UIMC1: variants seen among roughly 807,000 people sequenced by gnomAD.
UIMC1 encodes BRCA1-A complex subunit RAP80.
A neutral mutation model predicts 84.9 loss-of-function variants in UIMC1; 42 were observed. The ratio of observed to expected loss-of-function variants is 0.49; its 90% CI spans 0.39 to 0.64. UIMC1 has a LOEUF of 0.64. Among genes scored for constraint, UIMC1 ranks in the 30% least tolerant of loss-of-function variants. UIMC1 has a pLI of 0.00. For missense variants in UIMC1, 825 were observed against 847.6 expected (o/e 0.97, Z 0.33); for synonymous variants, 281 against 293.0 (o/e 0.96, Z 0.42).
intron 1 of UIMC1, among the ~76,000 whole-genome samples, chr5:177,015,846 G>C (rs1775657347): frequency 6.6e-6 from 1 of 151,958 alleles, no homozygotes; most frequent in Admixed American, 6.6e-5. Context: ...GAGACAGGCA[G>C]ATCACTTGAG....
At chr5:177,001,684 A>G (rs1302197576) in intron 1 of UIMC1, among the ~76,000 whole-genome samples, 1 of 151,970 alleles carries the variant, frequency 6.6e-6, no homozygotes, top group Admixed American at 6.6e-5. Flanking sequence ...CACGCCTGTA[A>G]TCCCAGCATT....
rs187314351 is a variant in UIMC1 at position 177,021,357 on chromosome 5, A to G, written c.-9+1107T>C. ...GGGGCTTGCCTTCTAGTCGGGAGAC[A>G]GACAATAAGCAAGATAAAAGGTAAA... is the stretch of plus-strand genomic sequence containing the variant. On this transcript the variant is annotated intron_variant, in intron 1 of 5. Transcript: ENST00000509236. Among the ~76,000 whole-genome samples, 10 of 152,362 alleles carry G rather than the reference A, an allele frequency of 6.6e-5. No individual in the cohort carries two copies. In the East Asian group the frequency reaches 1.9e-3, roughly 29 times the overall value.
intron 4 of UIMC1, 196 bp from the exon 5 acceptor site, chr5:176,969,902 CT>C (rs1339052574): frequency 9.8e-6 from 5 of 510,328 alleles, no homozygotes; most frequent in Non-Finnish European, 1.0e-5. Context: ...ATACTAAACC[CT>C]TTTTTAAAAC....
intron 11 of UIMC1, 105 bp from the exon 12 acceptor site, chr5:176,908,799 T>A: frequency 8.3e-7 from 1 of 1,203,756 alleles, no homozygotes; most frequent in Non-Finnish European, 1.2e-6. Context: ...AAAGTTATTC[T>A]ATGGAGGAGA....
Position 176,987,080 on chromosome 5 carries a change from C to T in UIMC1, c.-8-4457G>A, listed in dbSNP as rs1392201532. Among the ~76,000 whole-genome samples, 4 of 151,074 alleles carry T rather than the reference C, an allele frequency of 2.6e-5. No individual in the cohort carries two copies. In the East Asian group the frequency reaches 6.0e-4, roughly 23 times the overall value. Reference sequence around the variant, plus strand: ...ACTAAAAATACAAAAATTAGCCAGGCGTGGTGGCGGGCGCCTGTAATCCCA... The same window carrying T: ...ACTAAAAATACAAAAATTAGCCAGGTGTGGTGGCGGGCGCCTGTAATCCCA... On this transcript the variant is annotated intron_variant, in intron 1 of 14. Transcript: ENST00000511320.
chr5:177,019,081 A>G (rs1339828787), intron 1 of UIMC1, among the ~76,000 whole-genome samples: 2 of 152,256 alleles, frequency 1.3e-5, no homozygotes, highest in Middle Eastern at 3.4e-3. Context: ...CCCGTCTCTA[A>G]AAGTAAATAA....
At chr5:176,998,084 C>T (rs1017762870) in intron 1 of UIMC1, among the ~76,000 whole-genome samples, 8 of 152,016 alleles carry the variant, frequency 5.3e-5, no homozygotes, top group South Asian at 2.1e-4. Flanking sequence ...GATTTTTCAT[C>T]GAGAAAGAAA....
At chr5:176,907,591 C>T (rs969973884) in intron 12 of UIMC1, among the ~76,000 whole-genome samples, 2 of 152,138 alleles carry the variant, frequency 1.3e-5, no homozygotes, top group Admixed American at 6.5e-5. Flanking sequence ...ACTCCTTTGT[C>T]GGTAACCCTA....
chr5:176,921,240 C>T (rs148051237), intron 10 of UIMC1, among the ~76,000 whole-genome samples: 51 of 152,306 alleles, frequency 3.3e-4, no homozygotes, highest in South Asian at 1.7e-3. Flanking sequence ...ATTGCCCACA[C>T]GGCTATCTAA....
chr5:177,005,868 C>G (rs1006224805), intron 1 of UIMC1, among the ~76,000 whole-genome samples: 1 of 152,118 alleles, frequency 6.6e-6, no homozygotes, highest in Non-Finnish European at 1.5e-5. Flanking sequence ...ACTCGCGCCC[C>G]GTTAACTGAG....
intron 10 of UIMC1, among the ~76,000 whole-genome samples, chr5:176,933,031 G>A (rs941740995): frequency 6.6e-6 from 1 of 152,042 alleles, no homozygotes; most frequent in Admixed American, 6.6e-5. Context: ...TGCAGGATCA[G>A]CACTGCTTCT....
chr5:176,969,247 T>C lies in UIMC1; in HGVS notation c.508A>G (p.Ile170Val), dbSNP rs770735240. ...VPPSLFKGSH[I>V]SQGNEAEERE... ...TCCTCAGCCTCGTTTCCCTGACTGA[T>C]ATGTGAGCCTTTAAACAGTGATGGA... The change falls in exon 6 of 15, where the codon ATC becomes GTC. Residue 170 changes from isoleucine to valine, a missense_variant. Physicochemically the swap from Ile to Val is conservative, Grantham distance 29 (BLOSUM62 3). Coordinates refer to ENST00000511320, the MANE Select transcript of UIMC1 (RefSeq NM_001199298.2). The C allele has an allele frequency of 5.6e-6, 9 of 1,614,058 alleles. No homozygotes were observed. Among genetic ancestry groups the C allele is most frequent in the Non-Finnish European group, 7.6e-6 (9 of 1,180,040 alleles).
chr5:177,019,071 C>T (rs1169431961), intron 1 of UIMC1, among the ~76,000 whole-genome samples: 1 of 151,950 alleles, frequency 6.6e-6, no homozygotes, highest in African/African-American at 2.4e-5. Flanking sequence ...ATAGTGAGAC[C>T]CCGTCTCTAA....
chr5:177,007,874 G>C (rs754667925), upstream of UIMC1, among the ~76,000 whole-genome samples: 1 of 152,152 alleles, frequency 6.6e-6, no homozygotes, highest in African/African-American at 2.4e-5. Context: ...GGGGGCCAAG[G>C]TAGGCAGATC....
chr5:176,942,269 A>C (rs1280474299), intron 10 of UIMC1, among the ~76,000 whole-genome samples: 2 of 152,218 alleles, frequency 1.3e-5, no homozygotes, highest in African/African-American at 4.8e-5. Context: ...CTATTAAAAC[A>C]AACTACAAAA....
chr5:176,970,791 T>A lies in UIMC1; in HGVS notation c.308A>T (p.Glu103Val), dbSNP rs1289700234. ...EQEAREVNSQ[E>V]EEEEELLRKA... is the part of the protein sequence containing the mutation. The stretch of plus-strand genomic sequence containing the variant: ...CCTCAAGAGCTCCTCTTCTTCCTCC[T>A]CCTGGCTGTTCACCTCCCTAGCTTC... The change falls in exon 4 of 15, where the codon GAG becomes GTG. Residue 103 changes from glutamate (E) to valine (V), a missense_variant. Transcript: ENST00000511320. The A allele has an allele frequency of 6.2e-7, 1 of 1,614,142 alleles. No homozygotes were observed. Among genetic ancestry groups the A allele is most frequent in the Non-Finnish European group, 8.5e-7 (1 of 1,180,032 alleles).
intron 6 of UIMC1, among the ~76,000 whole-genome samples, chr5:176,959,526 C>T (rs1767043226): frequency 6.7e-6 from 1 of 149,520 alleles, no homozygotes; most frequent in African/African-American, 2.5e-5. Context: ...ACCATCCCAG[C>T]TAAAACGGTG....
At chr5:176,941,345 A>G (rs1764394876) in intron 10 of UIMC1, among the ~76,000 whole-genome samples, 1 of 152,216 alleles carries the variant, frequency 6.6e-6, no homozygotes, top group African/African-American at 2.4e-5. Flanking sequence ...GCAGAATAAT[A>G]TATAGAGAGA....
At chr5:177,022,400 A>G in intron 1 of UIMC1, 1 of 263,938 alleles carries the variant, frequency 3.8e-6, no homozygotes, top group South Asian at 9.8e-5. Context: ...CTGTGAATGA[A>G]ATGGCGAAAA....
Sources: allele counts gnomAD v4.1 joint callset (sites outside exome capture counted in the v4.1 genomes callset), GRCh38; gene constraint gnomAD v4.1.1; transcripts MANE v1.5; gene names NCBI Gene and HGNC (gene_info 2026-07-23, HGNC 2026-07-21).